The following PAOX variants were observed in gnomAD, a reference collection of about 807,000 sequenced individuals.
PAOX encodes peroxisomal N(1)-acetyl-spermine/spermidine oxidase.
PAOX carries 38 observed loss-of-function variants against 39.0 expected under a neutral mutation model. That is an observed-to-expected ratio of 0.97 (90% confidence interval 0.75 to 1.28). The LOEUF (loss-of-function observed/expected upper bound fraction) is 1.28. Among genes scored for constraint, PAOX ranks in the 50% most tolerant of loss-of-function variants. PAOX has a pLI of 0.00. For synonymous variants in PAOX, 311 were observed against 314.4 expected, an observed-to-expected ratio of 0.99 and a Z score of 0.11; for missense variants, 667 against 685.7, an observed-to-expected ratio of 0.97 and a Z score of 0.30.
In PAOX at chr10:133,379,466, C is replaced by T; in HGVS notation, c.150C>T (p.Ala50=). The T allele has an allele frequency of 8.2e-7, 1 of 1,225,628 alleles. No individual in the cohort carries two copies. The highest frequency in any genetic ancestry group is 1.0e-6 in the Non-Finnish European group (1 of 984,098). The allele number at this position is 1,225,628 out of a possible 1,614,324, so 75.9% of individuals were successfully genotyped here. Residue 50 remains alanine, a synonymous_variant, in exon 1 of 7, where the codon GCC becomes GCT. Transcript: ENST00000278060. Reference sequence around the variant, plus strand: ...GGGTCCTGGAGGCCACGGCCCGCGCCGGGGGCCGCATCCGCTCGGAGCGCT... The same window carrying T: ...GGGTCCTGGAGGCCACGGCCCGCGCTGGGGGCCGCATCCGCTCGGAGCGCT... ...HLRVLEATAR[A]GGRIRSERCF... is the part of the protein sequence containing the mutation.
chr10:133,385,792 C>T (rs1849515817), intron 4 of PAOX, among the ~76,000 whole-genome samples: 1 of 152,022 alleles, frequency 6.6e-6, no homozygotes, highest in Non-Finnish European at 1.5e-5. Flanking sequence ...ACCGTGTTAG[C>T]CAGGATGGTC....
Position 133,380,474 on chromosome 10 carries a change from C to T in PAOX, c.657C>T (p.Cys219=). The T allele has an allele frequency of 6.2e-7, 1 of 1,607,394 alleles. No homozygotes were observed. The highest frequency in any genetic ancestry group is 1.1e-5 in the South Asian group (1 of 90,946). The change falls in exon 2 of 7, where the codon TGC becomes TGT. Residue 219 remains cysteine, a synonymous_variant. Coordinates refer to ENST00000278060, the MANE Select transcript of PAOX (RefSeq NM_152911.4). The stretch of plus-strand genomic sequence containing the variant: ...ATACCGTGCTGCCGGGGCTGGACTG[C>T]ACCTTTTCTAAGTGCGTGCCTGAGC... The part of the protein sequence containing the change: ...GEYTVLPGLD[C]TFSKGYQGLT...
rs779768300 is a variant in PAOX, at chr10:133,391,362, G to A, written c.1443G>A (p.Thr481=). The change falls in exon 7 of 7, where the codon ACG becomes ACA. Residue 481 remains threonine (T), a synonymous_variant. Coordinates refer to ENST00000278060, the MANE Select transcript of PAOX (RefSeq NM_152911.4). ...CCACACATCGCACGTTTTACTCCAC[G>A]ACGCACGGGGCTCTGCTGTCGGGAT... The part of the protein sequence containing the change: ...GEATHRTFYS[T]THGALLSGWR... 9.3e-6 allele frequency: 15 copies of A among 1,613,404 alleles called. No individual in the cohort carries two copies. The East Asian group carries it at 1.8e-4, about 19-fold the overall frequency.
chr10:133,389,464 G>A, intron 5 of PAOX, 126 bp from the exon 6 acceptor site: 1 of 1,373,706 alleles, frequency 7.3e-7, no homozygotes, highest in African/African-American at 1.4e-5. Flanking sequence ...GACACACTCT[G>A]CTGCTCACTT....
At chr10:133,381,811 T>C (rs1849392051) in intron 3 of PAOX, 152 bp downstream of exon 3, 3 of 807,744 alleles carry the variant, frequency 3.7e-6, no homozygotes, top group South Asian at 1.8e-5. Flanking sequence ...GATTCTGTTA[T>C]GTTTTGTAGC....
intron 4 of PAOX, among the ~76,000 whole-genome samples, chr10:133,386,605 G>A (rs539669031): frequency 4.7e-4 from 72 of 152,142 alleles, no homozygotes; most frequent in African/African-American, 1.5e-3. Flanking sequence ...CTCCTGAGTA[G>A]CTGGGATTAC....
At chr10:133,380,957 G>A (rs976163623) in intron 2 of PAOX, among the ~76,000 whole-genome samples, 8 of 152,338 alleles carry the variant, frequency 5.3e-5, no homozygotes, top group South Asian at 4.1e-4. Flanking sequence ...CAACCTGGGC[G>A]ACAGAGTGAG....
intron 1 of PAOX, chr10:133,379,744 G>A (rs1849299799): frequency 1.8e-6 from 1 of 545,476 alleles, no homozygotes; most frequent in Middle Eastern, 5.1e-4. Flanking sequence ...GCCCCACGGG[G>A]GCCCCCCCAG....
intron 6 of PAOX, chr10:133,390,840 C>CAAA: frequency 1.7e-6 from 1 of 572,514 alleles, no homozygotes; most frequent in Non-Finnish European, 3.2e-6. Flanking sequence ...CCACCCTCCC[C>CAAA]ATATGTGATC....
intron 4 of PAOX, among the ~76,000 whole-genome samples, chr10:133,386,201 T>G (rs572485188): frequency 6.6e-6 from 1 of 151,808 alleles, no homozygotes; most frequent in East Asian, 2.0e-4. Flanking sequence ...ATTTTTGTAG[T>G]TTTAGTAGAG....
At chr10:133,380,673 G>A (rs182112183) in intron 2 of PAOX, among the ~76,000 whole-genome samples, 188 bp downstream of exon 2, 1 of 152,340 alleles carries the variant, frequency 6.6e-6, no homozygotes, top group African/African-American at 2.4e-5. Context: ...TTCTGAGAGA[G>A]AGTGTTTAAA....
Position 133,380,270 on chromosome 10 carries a change from G to A in PAOX, c.453G>A (p.Pro151=), listed in dbSNP as rs945956940. The A allele has an allele frequency of 1.9e-6, 3 of 1,612,916 alleles. No individual in the cohort carries two copies. Among genetic ancestry groups the A allele is most frequent in the Non-Finnish European group, 2.5e-6 (3 of 1,180,026 alleles). ...TREFLHAAET[P]VPSVGEYLKK... The stretch of plus-strand genomic sequence containing the variant: ...AGTTCCTGCACGCTGCAGAGACCCC[G>A]GTGCCCAGCGTCGGGGAGTACCTCA... The change falls in exon 2 of 7, where the codon CCG becomes CCA. Residue 151 remains proline, a synonymous_variant. Transcript: ENST00000278060.
At position 133,391,620 on chromosome 10, in the gene PAOX, T is replaced by C; in HGVS notation, c.*165T>C. Reference sequence around the variant, plus strand: ...AGTTCTTGTGTCTGTTATTGGAGTCTGGCCAGGGTTGACTTGAGCTGAGAC... The same window carrying C: ...AGTTCTTGTGTCTGTTATTGGAGTCCGGCCAGGGTTGACTTGAGCTGAGAC... On this transcript the variant is annotated 3_prime_UTR_variant, in exon 7 of 7. Transcript: ENST00000278060. 1 of 1,128,664 alleles carries C rather than the reference T, an allele frequency of 8.9e-7. No individual in the cohort carries two copies. Among genetic ancestry groups the C allele is most frequent in the Non-Finnish European group, 1.2e-6 (1 of 815,176 alleles). 69.9% of individuals were successfully genotyped at this position (1,128,664 alleles called of 1,614,324 possible).
At position 133,381,610 on chromosome 10, in the gene PAOX, G is replaced by A. The variant is rs752711872; in HGVS notation, c.819G>A (p.Glu273=). 6 of 1,613,442 alleles carry A rather than the reference G, an allele frequency of 3.7e-6. No homozygotes were observed. The highest frequency in any genetic ancestry group is 5.1e-6 in the Non-Finnish European group (6 of 1,180,036). Residue 273 remains glutamate, a synonymous_variant, in exon 3 of 7, where the codon GAG becomes GAA. Coordinates refer to ENST00000278060, the MANE Select transcript of PAOX (RefSeq NM_152911.4). ...CCTTTCCAGTGTCGGTAGAGTGTGA[G>A]GATGGAGACCGGTTCCCGGCGCACC... ...GETFPVSVEC[E]DGDRFPAHHV... is the part of the protein sequence containing the mutation.
At chr10:133,383,873 G>T (rs1453374255) in intron 3 of PAOX, 87 bp from the exon 4 acceptor site, 25 of 1,474,842 alleles carry the variant, frequency 1.7e-5, no homozygotes, top group Non-Finnish European at 2.2e-5. Context: ...CACCAGCAGG[G>T]GAAATTGCTG....
In PAOX at chr10:133,389,486, T is replaced by C. The variant is rs1396174504; in HGVS notation, c.1235-104T>C. The C allele has an allele frequency of 4.0e-6, 6 of 1,500,628 alleles. No homozygotes were observed. The East Asian group carries it at 9.1e-5, about 23-fold the overall frequency. 93.0% of individuals were successfully genotyped at this position (1,500,628 alleles called of 1,614,324 possible). A position where few individuals can be genotyped will look rare whatever the true frequency, so the allele number is the denominator to read the frequency against. On this transcript the variant is annotated intron_variant, in intron 5 of 6. Coordinates refer to ENST00000278060, the MANE Select transcript of PAOX (RefSeq NM_152911.4). The stretch of plus-strand genomic sequence containing the variant: ...TCTGCTGCTCACTTTTCTTCCTGCA[T>C]AGCATCTTTCACGTTAAACTGCTCA...
At chr10:133,380,988 A>C (rs1025221643) in intron 2 of PAOX, among the ~76,000 whole-genome samples, 1 of 152,236 alleles carries the variant, frequency 6.6e-6, no homozygotes, top group Non-Finnish European at 1.5e-5. Flanking sequence ...AAAAGAGAAA[A>C]AAAGAAGAAG....
rs754449989 is a variant in PAOX at position 133,391,387 on chromosome 10, TGGAG to T, written c.1474_1477del (p.Glu492ProfsTer33). On this transcript the variant is annotated frameshift_variant, in exon 7 of 7. Transcript: ENST00000278060. LOFTEE classifies it low-confidence loss of function (END_TRUNC). ...GACGCACGGGGCTCTGCTGTCGGGATGGAGGGAGGCCGACCGCCTCCTCAGTCTG... is the reference window on the plus strand; with the variant it reads ...GACGCACGGGGCTCTGCTGTCGGGATGGAGGCCGACCGCCTCCTCAGTCTG... 1.2e-6 allele frequency: 2 copies of T among 1,613,238 alleles called. No homozygotes were observed. Among genetic ancestry groups the T allele is most frequent in the Non-Finnish European group, 1.7e-6 (2 of 1,180,022 alleles).
rs1849288668 is a variant in PAOX at position 133,379,467 on chromosome 10, G to C, written c.151G>C (p.Gly51Arg). ...GGTCCTGGAGGCCACGGCCCGCGCC[G>C]GGGGCCGCATCCGCTCGGAGCGCTG... Reference protein sequence around the residue: ...LRVLEATARAGGRIRSERCFG... With the variant: ...LRVLEATARARGRIRSERCFG... Residue 51 changes from glycine (G) to arginine (R), a missense_variant, in exon 1 of 7, where the codon GGG becomes CGG. Gly to Arg is a moderately radical substitution (Grantham distance 125). Coordinates refer to ENST00000278060, the MANE Select transcript of PAOX (RefSeq NM_152911.4). 9.0e-6 allele frequency: 11 copies of C among 1,224,894 alleles called. No individual in the cohort carries two copies. Among genetic ancestry groups the C allele is most frequent in the Non-Finnish European group, 1.0e-5 (10 of 983,646 alleles). The allele number at this position is 1,224,894 out of a possible 1,614,324, so 75.9% of individuals were successfully genotyped here.
Sources: gnomAD v4.1 joint callset for allele counts (sites outside exome capture counted in the v4.1 genomes callset) on GRCh38, gnomAD v4.1.1 for gene constraint, MANE v1.5 for transcripts, NCBI Gene and HGNC (gene_info 2026-07-23, HGNC 2026-07-21) for gene names.